KCNK10: variants seen among roughly 807,000 people sequenced by gnomAD.
The protein encoded by KCNK10 is potassium two pore domain channel subfamily K member 10.
Under a neutral mutation model 47.7 loss-of-function variants are expected in KCNK10, and 25 were observed. That is an observed-to-expected ratio of 0.52 (90% CI 0.38 to 0.73). The LOEUF is 0.73. KCNK10 is among the 30% of genes least tolerant of loss of function. The probability of loss-of-function intolerance (pLI) is 0.00; values close to 1 mark genes in which losing one functional copy is unlikely to be tolerated. For missense variants in KCNK10, 563 were observed against 714.5 expected (o/e 0.79, Z 2.42); for synonymous variants, 303 against 285.6 (o/e 1.06, Z -0.61).
intron 4 of KCNK10, among the ~76,000 whole-genome samples, chr14:88,211,131 G>A (rs34312381): frequency 0.49 from 74,207 of 151,984 alleles, 19,158 homozygotes; most frequent in East Asian, 0.72. Context: ...TAAACAAATA[G>A]GCAAAATGTG....
At chr14:88,297,444 C>A (rs1354756499) in intron 1 of KCNK10, among the ~76,000 whole-genome samples, 1 of 152,230 alleles carries the variant, frequency 6.6e-6, no homozygotes, top group African/African-American at 2.4e-5. Flanking sequence ...GACCATAAAA[C>A]GTAACGTGCC....
intron 5 of KCNK10, among the ~76,000 whole-genome samples, chr14:88,188,440 C>T (rs1304860116): frequency 6.6e-6 from 1 of 152,138 alleles, no homozygotes; most frequent in Non-Finnish European, 1.5e-5. Context: ...ACAGATCAGG[C>T]CTGGTTGTCA....
intron 1 of KCNK10, among the ~76,000 whole-genome samples, chr14:88,265,789 A>G (rs186543139): frequency 5.8e-4 from 89 of 152,290 alleles, no homozygotes; most frequent in African/African-American, 1.7e-3. Flanking sequence ...AAGTCTCACA[A>G]GATCTGATGG....
At position 88,220,736 on chromosome 14, in the gene KCNK10, A is replaced by G. The variant is rs545398028; in HGVS notation, c.681+6639T>C. On this transcript the variant is annotated intron_variant, in intron 4 of 6. Transcript: ENST00000319231. Reference sequence around the variant, plus strand: ...TAAAAGTGATCACATACCTACATGTAAAATGCAAAAGTATAAAACTCCTAG... The same window carrying G: ...TAAAAGTGATCACATACCTACATGTGAAATGCAAAAGTATAAAACTCCTAG... Among the ~76,000 whole-genome samples, 124 of 152,264 alleles carry G rather than the reference A, an allele frequency of 8.1e-4. 2 individuals are homozygous for G. The highest frequency in any genetic ancestry group is 6.9e-4 in the Non-Finnish European group (47 of 68,022).
intron 2 of KCNK10, 54 bp from the exon 3 acceptor site, chr14:88,240,874 T>A: frequency 8.4e-7 from 1 of 1,185,030 alleles, no homozygotes; most frequent in Non-Finnish European, 1.2e-6. Context: ...TTTATTTTTT[T>A]TTTCTTCAAA....
chr14:88,258,578 C>T (rs1345138639), intron 2 of KCNK10, among the ~76,000 whole-genome samples: 2 of 152,274 alleles, frequency 1.3e-5, no homozygotes, highest in East Asian at 3.9e-4. Context: ...CGTGAGCCAC[C>T]GAACCCGGCC....
upstream of KCNK10, chr14:88,323,392 G>C (rs1888595025): frequency 1.4e-6 from 1 of 729,906 alleles, no homozygotes; most frequent in Non-Finnish European, 1.7e-6. Flanking sequence ...TGTAGGGGTG[G>C]CGCGGCGCCC....
chr14:88,325,848 T>A (rs1301954736), upstream of KCNK10, among the ~76,000 whole-genome samples: 1 of 152,024 alleles, frequency 6.6e-6, no homozygotes, highest in African/African-American at 2.4e-5. Flanking sequence ...ATCACTTGTG[T>A]ACAAGACAGG....
At chr14:88,214,945 T>G (rs750809621) in intron 4 of KCNK10, among the ~76,000 whole-genome samples, 10 of 152,204 alleles carry the variant, frequency 6.6e-5, no homozygotes, top group Non-Finnish European at 1.2e-4. Flanking sequence ...GGGCATATAG[T>G]GGAATGACTA....
chr14:88,284,663 C>T (rs1555364602), intron 1 of KCNK10, among the ~76,000 whole-genome samples: 1 of 152,180 alleles, frequency 6.6e-6, no homozygotes, highest in Non-Finnish European at 1.5e-5. Context: ...GCTCATTCCA[C>T]CTTCTTCTGC....
At chr14:88,258,252 T>C (rs923578221) in intron 2 of KCNK10, among the ~76,000 whole-genome samples, 3 of 151,976 alleles carry the variant, frequency 2.0e-5, no homozygotes, top group Non-Finnish European at 2.9e-5. Context: ...ATTCTATTGA[T>C]GAAGAAACAA....
At chr14:88,206,890 T>C (rs543085643) in intron 4 of KCNK10, among the ~76,000 whole-genome samples, 1 of 152,300 alleles carries the variant, frequency 6.6e-6, no homozygotes, top group South Asian at 2.1e-4. Flanking sequence ...TAAAAGAATA[T>C]TGGATATTAC....
In KCNK10 at chr14:88,227,231, T is replaced by C. The variant is rs1886015484; in HGVS notation, c.681+144A>G. The C allele has an allele frequency of 6.1e-6, 4 of 650,408 alleles. No homozygotes were observed. The South Asian group carries it at 1.2e-4, about 20-fold the overall frequency. 40.3% of individuals were successfully genotyped at this position (650,408 alleles called of 1,614,324 possible). A position where few individuals can be genotyped will look rare whatever the true frequency, so the allele number is the denominator to read the frequency against. On this transcript the variant is annotated intron_variant, in intron 4 of 6. Coordinates refer to ENST00000319231, the MANE Select transcript of KCNK10 (RefSeq NM_138317.3). The stretch of plus-strand genomic sequence containing the variant: ...TTAGGTGCAAGATGTTTGACTTCCA[T>C]TGGCCAAAACAGAAAATACAATCAT...
At chr14:88,195,712 C>T (rs1884890279) in intron 4 of KCNK10, among the ~76,000 whole-genome samples, 1 of 152,144 alleles carries the variant, frequency 6.6e-6, no homozygotes, top group Admixed American at 6.6e-5. Flanking sequence ...TCCAAAACCC[C>T]AGGCTCAGCC....
At chr14:88,251,496 A>T (rs560397101) in intron 2 of KCNK10, among the ~76,000 whole-genome samples, 1 of 152,196 alleles carries the variant, frequency 6.6e-6, no homozygotes, top group Admixed American at 6.5e-5. Context: ...GGCTTCCCCC[A>T]AGAGTTGAGT....
At chr14:88,278,751 G>A (rs1038068969) in intron 1 of KCNK10, among the ~76,000 whole-genome samples, 5 of 152,196 alleles carry the variant, frequency 3.3e-5, no homozygotes, top group African/African-American at 1.2e-4. Context: ...AATTGCCTCT[G>A]AAGAGGTCAC....
At position 88,322,718 on chromosome 14, in the gene KCNK10, G is replaced by C. The variant is rs1293637104; in HGVS notation, c.52+29C>G. On this transcript the variant is annotated intron_variant, in intron 1 of 6. Transcript: ENST00000319231. The surrounding 1 kb of genome is among the most constrained non-coding windows in gnomAD (Gnocchi z 4.8). Reference sequence around the variant, plus strand: ...CACACGCCGGAGACAGAGGCAGGGCGAGGGCAGCCAAAAGTAGGAAACACC... The same window carrying C: ...CACACGCCGGAGACAGAGGCAGGGCCAGGGCAGCCAAAAGTAGGAAACACC... The C allele has an allele frequency of 5.6e-6, 9 of 1,613,934 alleles. No individual in the cohort carries two copies. Among genetic ancestry groups the C allele is most frequent in the African/African-American group, 5.3e-5 (4 of 75,026 alleles).
At position 88,185,459 on chromosome 14, in the gene KCNK10, CAT is replaced by C. The variant is rs1454053240; in HGVS notation, c.*74_*75del. 10 of 1,528,036 alleles carry C rather than the reference CAT, an allele frequency of 6.5e-6. No homozygotes were observed. The highest frequency in any genetic ancestry group is 8.8e-6 in the Non-Finnish European group (10 of 1,138,590). 94.7% of individuals were successfully genotyped at this position (1,528,036 alleles called of 1,614,324 possible). A position where few individuals can be genotyped will look rare whatever the true frequency, so the allele number is the denominator to read the frequency against. ...TGGACTAAAAAGTCTGTTTAAGGCA[CAT>C]GTCTCAGTGTGAATATTAAAAACAC... On this transcript the variant is annotated 3_prime_UTR_variant, in exon 7 of 7. Transcript: ENST00000319231. This position sits in a 1 kb window ranked among gnomAD's most constrained non-coding sequence, Gnocchi z 4.3.
chr14:88,204,570 C>A, intron 4 of KCNK10, among the ~76,000 whole-genome samples: 1 of 142,950 alleles, frequency 7.0e-6, no homozygotes, highest in African/African-American at 2.6e-5. Context: ...CCCCACCCCC[C>A]GCCATTTCCC....
Sources: allele counts gnomAD v4.1 joint callset (sites outside exome capture counted in the v4.1 genomes callset), GRCh38; gene constraint gnomAD v4.1.1; non-coding constraint Gnocchi (gnomAD v3.1); transcripts MANE v1.5; gene names NCBI Gene and HGNC (gene_info 2026-07-23, HGNC 2026-07-21).